The following AHNAK variants were observed in gnomAD, a reference collection of about 807,000 sequenced individuals.
AHNAK encodes the protein neuroblast differentiation-associated protein AHNAK.
A neutral mutation model predicts 37.8 loss-of-function variants in AHNAK; 23 were observed. The ratio of observed to expected loss-of-function variants is 0.61; its 90% CI spans 0.44 to 0.86. The LOEUF is 0.86. Among genes scored for constraint, AHNAK ranks in the 40% least tolerant of loss-of-function variants. AHNAK has a pLI of 0.00. For synonymous variants in AHNAK, 2,481 were observed against 2,636.3 expected (o/e 0.94, Z 1.80); for missense variants, 7,411 against 7,319.4 (o/e 1.01, Z -0.46).
rs371717752 is a variant in AHNAK, at chr11:62,536,440, G to A, written c.-1+29C>T. 1.1e-3 allele frequency: 241 copies of A among 218,190 alleles called. 1 individual carries two copies. Among genetic ancestry groups the A allele is most frequent in the African/African-American group, 5.2e-3 (227 of 43,500 alleles). 13.5% of individuals were successfully genotyped at this position (218,190 alleles called of 1,614,324 possible). ...ACCCTCCCCACATCCCGTCACCTCC[G>A]CCTCTCTCTGCCTCTCCCACCTACT... On this transcript the variant is annotated intron_variant, in intron 2 of 4. Coordinates refer to ENST00000378024, the MANE Select transcript of AHNAK (RefSeq NM_001620.3).
At chr11:62,498,863 T>G (rs1939662085) in intron 4 of AHNAK, among the ~76,000 whole-genome samples, 1 of 152,166 alleles carries the variant, frequency 6.6e-6, no homozygotes. Flanking sequence ...CAACAGAATA[T>G]TCATTAGGAT....
chr11:62,536,177 G>T (rs1261698275), intron 2 of AHNAK, 79 bp from the exon 3 acceptor site: 1 of 1,454,578 alleles, frequency 6.9e-7, no homozygotes, highest in Admixed American at 2.4e-5. Context: ...AGCAATCTCT[G>T]GCGCTGTGAA....
intron 4 of AHNAK, among the ~76,000 whole-genome samples, chr11:62,506,035 A>AGGG (rs1939805998): frequency 7.3e-6 from 1 of 137,328 alleles, no homozygotes; most frequent in Non-Finnish European, 1.5e-5. Context: ...AAAAAAAAAA[A>AGGG]AGGCGGGGGT....
Position 62,521,498 on chromosome 11 carries a change from C to A in AHNAK, c.12919G>T (p.Val4307Phe). 2 of 1,610,558 alleles carry A rather than the reference C, an allele frequency of 1.2e-6. No individual in the cohort carries two copies. The highest frequency in any genetic ancestry group is 1.7e-6 in the Non-Finnish European group (2 of 1,179,174). ...TTCAGGTGCCAGTCTGGGCCATGAA[C>A]ATCTACATCAGGGGCATCGATGTCC... ...KVDIDAPDVD[V>F]HGPDWHLKMP... The change falls in exon 5 of 5, where the codon GTT becomes TTT. Residue 4307 changes from valine to phenylalanine, a missense_variant. Physicochemically the swap from Val to Phe is conservative, Grantham distance 50. Transcript: ENST00000378024.
intron 5 of AHNAK, among the ~76,000 whole-genome samples, chr11:62,476,771 A>G (rs2507809): frequency 0.96 from 145,913 of 152,204 alleles, 70,141 homozygotes; most frequent in South Asian, 0.98. Flanking sequence ...TGGTTGGACC[A>G]AGAGAAAGAA....
At chr11:62,467,315 T>C (rs967901355) in intron 5 of AHNAK, among the ~76,000 whole-genome samples, 5 of 152,174 alleles carry the variant, frequency 3.3e-5, no homozygotes, top group Admixed American at 2.0e-4. Flanking sequence ...TTTGCAGTGA[T>C]CACATTAGAA....
At chr11:62,504,170 AAGAG>A (rs970209177) in intron 4 of AHNAK, among the ~76,000 whole-genome samples, 6 of 151,900 alleles carry the variant, frequency 3.9e-5, no homozygotes, top group South Asian at 2.1e-4. Context: ...CAAAAACAGA[AAGAG>A]AGAGAGAGAG....
intron 5 of AHNAK, among the ~76,000 whole-genome samples, chr11:62,441,819 C>A (rs777448787): frequency 6.6e-6 from 1 of 152,088 alleles, no homozygotes; most frequent in Non-Finnish European, 1.5e-5. Flanking sequence ...TAAATAAATA[C>A]ATAAATAAAT....
chr11:62,517,786 T>G lies in AHNAK; in HGVS notation c.16631A>C (p.Lys5544Thr). Residue 5544 changes from lysine (K) to threonine (T), a missense_variant, in exon 5 of 5, where the codon AAG becomes ACG. Lys to Thr is a moderately conservative substitution (Grantham distance 78, BLOSUM62 -1). Transcript: ENST00000378024. ...FHGAAPDISVKGPAFNMASPE... is the reference protein window; with the variant it reads ...FHGAAPDISVTGPAFNMASPE... ...AGATGCCATATTAAAGGCAGGCCCC[T>G]TCACACTGATATCAGGAGCAGCCCC... 1.2e-6 allele frequency: 2 copies of G among 1,614,200 alleles called. No individual in the cohort carries two copies. Among genetic ancestry groups the G allele is most frequent in the Non-Finnish European group, 1.7e-6 (2 of 1,180,032 alleles).
At chr11:62,492,909 G>A (rs1049411604) in intron 4 of AHNAK, among the ~76,000 whole-genome samples, 3 of 151,134 alleles carry the variant, frequency 2.0e-5, no homozygotes, top group Admixed American at 1.3e-4. Flanking sequence ...TTCCCCAGGG[G>A]ATAGTAACCC....
Position 62,527,374 on chromosome 11 carries a change from A to G in AHNAK, c.7043T>C (p.Val2348Ala). ...GTCAGCATCTAATTTGGGACCTTTG[A>G]CATCCAATTCTGGACCTTTTAACTC... ...EGELKGPELDVKGPKLDADMP... is the reference protein window; with the variant it reads ...EGELKGPELDAKGPKLDADMP... Residue 2348 changes from valine (V) to alanine (A), a missense_variant, in exon 5 of 5, where the codon GTC (valine) becomes GCC (alanine). Physicochemically the swap from Val to Ala is moderately conservative, Grantham distance 64. Transcript: ENST00000378024. The G allele has an allele frequency of 1.9e-6, 3 of 1,614,172 alleles. No individual in the cohort carries two copies. Among genetic ancestry groups the G allele is most frequent in the Non-Finnish European group, 2.5e-6 (3 of 1,180,008 alleles).
chr11:62,455,699 C>T (rs1299329109), intron 5 of AHNAK, among the ~76,000 whole-genome samples: 3 of 145,376 alleles, frequency 2.1e-5, no homozygotes, highest in Non-Finnish European at 4.5e-5. Flanking sequence ...GAGCGAAACT[C>T]CATCTCAAAA....
intron 5 of AHNAK, among the ~76,000 whole-genome samples, chr11:62,435,431 G>C (rs1245786892): frequency 1.3e-5 from 2 of 150,816 alleles, no homozygotes; most frequent in African/African-American, 2.4e-5. Flanking sequence ...TTTTCTTTTT[G>C]AGACGGAGTC....
chr11:62,501,047 C>G (rs928112297), intron 4 of AHNAK, among the ~76,000 whole-genome samples: 1 of 151,746 alleles, frequency 6.6e-6, no homozygotes. Context: ...AGTGAAACAC[C>G]ATCTCTACAA....
Position 62,518,333 on chromosome 11 carries a change from C to G in AHNAK, c.16084G>C (p.Asp5362His), listed in dbSNP as rs370134969. 1 of 1,614,098 alleles carries G rather than the reference C, an allele frequency of 6.2e-7. No individual in the cohort carries two copies. Among genetic ancestry groups the G allele is most frequent in the East Asian group, 2.2e-5 (1 of 44,900 alleles). ...AGGCTTGGTCCCCTCAGTGTCACAT[C>G]TGGTGCCCCAACGTTAAGCTTTGTT... ...ATTKLNVGAPDVTLRGPSLQG... is the reference protein window; with the variant it reads ...ATTKLNVGAPHVTLRGPSLQG... Residue 5362 changes from aspartate to histidine, a missense_variant, in exon 5 of 5, where the codon GAT (aspartate) becomes CAT (histidine). By Grantham distance (81) the Asp-to-His change is moderately conservative. Coordinates refer to ENST00000378024, the MANE Select transcript of AHNAK (RefSeq NM_001620.3).
At chr11:62,470,804 T>G (rs961967319) in intron 5 of AHNAK, among the ~76,000 whole-genome samples, 2 of 151,520 alleles carry the variant, frequency 1.3e-5, no homozygotes, top group Admixed American at 1.3e-4. Flanking sequence ...CTTTTTTCTT[T>G]CAGGGAAAAA....
Position 62,447,103 on chromosome 11 carries a change from T to C in AHNAK, c.443-13212A>G, listed in dbSNP as rs139940036. Among the ~76,000 whole-genome samples, 38 of 152,210 alleles carry C rather than the reference T, an allele frequency of 2.5e-4. 1 individual carries two copies. Among genetic ancestry groups the C allele is most frequent in the African/African-American group, 7.0e-4 (29 of 41,546 alleles). On this transcript the variant is annotated intron_variant, in intron 5 of 5. Transcript: ENST00000257247. ...CACATAGTCCACTAAGTGTCACATC[T>C]AGGGGCTACTTCTCAGCACCCATCC... is the stretch of plus-strand genomic sequence containing the variant.
intron 5 of AHNAK, among the ~76,000 whole-genome samples, chr11:62,436,939 A>T (rs1426874883): frequency 4.2e-5 from 1 of 23,716 alleles, no homozygotes; most frequent in African/African-American, 1.9e-4. Flanking sequence ...ACTCTGTCTC[A>T]AAAAAAAAAA....
rs192059152 is a variant in AHNAK at position 62,449,484 on chromosome 11, G to A, written c.443-15593C>T. Among the ~76,000 whole-genome samples, 650 of 152,298 alleles carry A rather than the reference G, an allele frequency of 4.3e-3. 7 individuals carry two copies. The highest frequency in any genetic ancestry group is 0.015 in the African/African-American group (624 of 41,558). On this transcript the variant is annotated intron_variant, in intron 5 of 5. Transcript: ENST00000257247. ...GGGTCACCCAGGCCTGAGCTGGAGA[G>A]GGGCCAGCGACCAAGAGAGAACCAG...
Sources: gnomAD v4.1 joint callset for allele counts (sites outside exome capture counted in the v4.1 genomes callset) on GRCh38, gnomAD v4.1.1 for gene constraint, MANE v1.5 for transcripts, NCBI Gene and HGNC (gene_info 2026-07-23, HGNC 2026-07-21) for gene names.